The following NOL8 variants were observed in gnomAD, a reference collection of about 807,000 sequenced individuals.
The protein encoded by NOL8 is nucleolar protein 8.
NOL8 carries 93 observed loss-of-function variants against 116.1 expected under a neutral mutation model. The observed-to-expected ratio is 0.80, with a 90% CI of 0.68 to 0.95. NOL8 has a LOEUF of 0.95. Ranked by LOEUF, NOL8 falls within the 40% of genes least tolerant of loss-of-function variation. The probability of loss-of-function intolerance (pLI) is 0.00; values close to 1 mark genes in which losing one functional copy is unlikely to be tolerated. For missense variants in NOL8, 1,291 were observed against 1,382.8 expected (o/e 0.93, Z 1.05); for synonymous variants, 419 against 469.0 (o/e 0.89, Z 1.38).
rs1021463516 is a variant in NOL8 at position 92,324,294 on chromosome 9, C to T, written c.-48-85G>A. ...TCCTCTGAACCTTCTGTATCAAATC[C>T]GTCTCCTGGATCTGTATTTCACTTC... On this transcript the variant is annotated intron_variant, in intron 1 of 16. Coordinates refer to ENST00000442668, the MANE Select transcript of NOL8 (RefSeq NM_017948.6). 3.0e-5 allele frequency: 32 copies of T among 1,073,538 alleles called. No individual in the cohort carries two copies. The African/African-American group carries it at 4.7e-4, about 16-fold the overall frequency. 66.5% of individuals were successfully genotyped at this position (1,073,538 alleles called of 1,614,324 possible).
intron 1 of NOL8, 71 bp downstream of exon 1, chr9:92,325,235 A>T (rs1424511737): frequency 6.6e-6 from 1 of 152,210 alleles, no homozygotes; most frequent in Non-Finnish European, 1.5e-5. Context: ...TTTCTCTGAG[A>T]AGACCCAAAG....
At chr9:92,323,197 T>C (rs962666895) in intron 3 of NOL8, 9 of 1,053,000 alleles carry the variant, frequency 8.5e-6, no homozygotes, top group Admixed American at 3.2e-5. Context: ...TGGTCCCTTG[T>C]CCAAAATATT....
intron 13 of NOL8, 119 bp from the exon 14 acceptor site, chr9:92,300,135 C>T (rs1290233677): frequency 7.1e-7 from 1 of 1,399,700 alleles, no homozygotes. Context: ...ATATGTTAAT[C>T]ATTAATTTAA....
At chr9:92,319,401 C>T (rs773498091) in intron 4 of NOL8, 45 bp from the exon 5 acceptor site, 1 of 1,485,370 alleles carries the variant, frequency 6.7e-7, no homozygotes, top group Admixed American at 2.6e-5. Flanking sequence ...AAATAATCAG[C>T]CACGTAAAAT....
chr9:92,310,362 T>C, intron 9 of NOL8, 101 bp from the exon 10 acceptor site: 1 of 1,197,454 alleles, frequency 8.4e-7, no homozygotes, highest in Non-Finnish European at 1.2e-6. Flanking sequence ...TGAAATTCAC[T>C]ACATTAAGAT....
chr9:92,297,384 A>G lies in NOL8; in HGVS notation c.*452T>C. ...AAAACTCAATGTTGACTTGTAATTT[A>G]TCAGTTTAAACAAAAATGACAAAAT... On this transcript the variant is annotated 3_prime_UTR_variant, in exon 17 of 17. Transcript: ENST00000442668. 1 of 154,792 alleles carries G rather than the reference A, an allele frequency of 6.5e-6. No individual in the cohort carries two copies. The highest frequency in any genetic ancestry group is 1.4e-5 in the Non-Finnish European group (1 of 69,874). The allele number at this position is 154,792 out of a possible 1,614,324, so 9.6% of individuals were successfully genotyped here.
chr9:92,297,690 A>T lies in NOL8; in HGVS notation c.*146T>A. ...ATGCAGAGGAGTTCCACAGAAAAAG[A>T]TGGCAACCAGAATGATATTCCGTCA... is the stretch of plus-strand genomic sequence containing the variant. On this transcript the variant is annotated 3_prime_UTR_variant, in exon 17 of 17. Transcript: ENST00000442668. The T allele has an allele frequency of 1.6e-6, 1 of 620,112 alleles. No individual in the cohort carries two copies. Among genetic ancestry groups the T allele is most frequent in the Non-Finnish European group, 2.8e-6 (1 of 354,642 alleles). The allele number at this position is 620,112 out of a possible 1,614,324, so 38.4% of individuals were successfully genotyped here. A position where few individuals can be genotyped will look rare whatever the true frequency, so the allele number is the denominator to read the frequency against.
chr9:92,309,501 GAAA>G (rs1393484484), intron 10 of NOL8, among the ~76,000 whole-genome samples: 1 of 150,254 alleles, frequency 6.7e-6, no homozygotes, highest in Non-Finnish European at 1.5e-5. Context: ...TCAGGAAGGA[GAAA>G]AAAAAAGAAG....
Position 92,314,826 on chromosome 9 carries a change from T to G in NOL8, c.1799A>C (p.Gln600Pro). ...KDSVASNNKD[Q>P]NSMKHEDPSI... is the part of the protein sequence containing the mutation. ...GGGATCCTCATGTTTCATGGAATTC[T>G]GATCTTTATTGTTAGAGGCAACACT... Residue 600 changes from glutamine (Q) to proline (P), a missense_variant, in exon 7 of 17, where the codon CAG (glutamine) becomes CCG (proline). Transcript: ENST00000442668. The G allele has an allele frequency of 1.2e-6, 2 of 1,613,398 alleles. No homozygotes were observed. The highest frequency in any genetic ancestry group is 1.7e-6 in the Non-Finnish European group (2 of 1,179,660).
At chr9:92,323,352 C>G in intron 3 of NOL8, 89 bp downstream of exon 3, 1 of 1,543,390 alleles carries the variant, frequency 6.5e-7, no homozygotes, top group Non-Finnish European at 8.8e-7. Flanking sequence ...TGAAAAATGG[C>G]TGTGGAGGTT....
intron 12 of NOL8, among the ~76,000 whole-genome samples, chr9:92,302,114 T>C (rs1837805505): frequency 6.6e-6 from 1 of 152,192 alleles, no homozygotes; most frequent in Non-Finnish European, 1.5e-5. Context: ...GCCTAAACTA[T>C]ACACCTAGGT....
intron 5 of NOL8, chr9:92,319,009 G>T: frequency 1.8e-6 from 1 of 541,052 alleles, no homozygotes; most frequent in Non-Finnish European, 3.1e-6. Context: ...CTCTGCTTGA[G>T]TTTTGATTTC....
chr9:92,301,911 C>A, intron 12 of NOL8, 89 bp from the exon 13 acceptor site: 4 of 1,087,246 alleles, frequency 3.7e-6, no homozygotes, highest in Non-Finnish European at 5.1e-6. Context: ...TCTTGGACAA[C>A]TTTAATTCTA....
At chr9:92,300,958 A>G in intron 13 of NOL8, 2 of 759,198 alleles carry the variant, frequency 2.6e-6, no homozygotes, top group Non-Finnish European at 1.6e-6. Context: ...GAACTTCCAG[A>G]AAGCTGGAAC....
intron 1 of NOL8, chr9:92,324,436 CAG>C (rs1269472608): frequency 9.7e-6 from 3 of 309,990 alleles, no homozygotes; most frequent in Non-Finnish European, 1.8e-5. Context: ...CAGGTACAGA[CAG>C]AGTTTTTTTC....
At chr9:92,308,421 G>A (rs964489893) in intron 10 of NOL8, among the ~76,000 whole-genome samples, 1 of 152,138 alleles carries the variant, frequency 6.6e-6, no homozygotes, top group African/African-American at 2.4e-5. Context: ...GAGATTCTAA[G>A]AATGGACACG....
chr9:92,306,611 A>C (rs1838283038), intron 11 of NOL8, among the ~76,000 whole-genome samples: 1 of 152,188 alleles, frequency 6.6e-6, no homozygotes, highest in African/African-American at 2.4e-5. Flanking sequence ...CGTTTATATA[A>C]ATACTTTTAC....
At chr9:92,316,226 A>G in intron 6 of NOL8, 88 bp from the exon 7 acceptor site, 3 of 1,365,578 alleles carry the variant, frequency 2.2e-6, no homozygotes, top group African/African-American at 1.5e-5. Context: ...TTAATCTCAA[A>G]TAAGTCATTT....
Position 92,301,813 on chromosome 9 carries a change from T to A in NOL8, c.2913A>T (p.Lys971Asn). 1 of 1,584,400 alleles carries A rather than the reference T, an allele frequency of 6.3e-7. No individual in the cohort carries two copies. The highest frequency in any genetic ancestry group is 8.6e-7 in the Non-Finnish European group (1 of 1,164,352). The change falls in exon 13 of 17, where the codon AAA becomes AAT. Residue 971 changes from lysine to asparagine, a missense_variant. Coordinates refer to ENST00000442668, the MANE Select transcript of NOL8 (RefSeq NM_017948.6). ...CAGCTTCCTCCCTTTTCTTTTTTCG[T>A]TTTGCTTTACTGAAATGACATATGT... ...RDDKPKESKA[K>N]RKKKREEAEK...
Sources: gnomAD v4.1 joint callset for allele counts (sites outside exome capture counted in the v4.1 genomes callset) on GRCh38, gnomAD v4.1.1 for gene constraint, MANE v1.5 for transcripts, NCBI Gene and HGNC (gene_info 2026-07-23, HGNC 2026-07-21) for gene names.